The following RANBP2 variants were observed in gnomAD, a reference collection of about 807,000 sequenced individuals.
RANBP2 encodes E3 SUMO-protein ligase RanBP2.
In RANBP2, 57 loss-of-function variants were observed where a neutral mutation model predicts 303.6. The ratio of observed to expected loss-of-function variants is 0.19; its 90% CI spans 0.15 to 0.23. RANBP2 has a LOEUF of 0.23. Among genes scored for constraint, RANBP2 ranks in the 10% least tolerant of loss-of-function variants. The probability of loss-of-function intolerance (pLI) is 1.00; values close to 1 mark genes in which losing one functional copy is unlikely to be tolerated. For missense variants in RANBP2, 3,138 were observed against 3,780.8 expected (o/e 0.83, Z 4.46); for synonymous variants, 1,167 against 1,301.5 (o/e 0.90, Z 2.23).
At chr2:108,903,762 A>G in the RANBP2 span, among the ~76,000 whole-genome samples, 2 of 152,334 alleles carry the variant, frequency 1.3e-5, no homozygotes, top group Non-Finnish European at 2.9e-5. Flanking sequence ...ACTTAAATGC[A>G]AAATATAAAA....
At chr2:108,747,922 A>G (rs537519962) in intron 8 of RANBP2, among the ~76,000 whole-genome samples, 2,212 of 152,254 alleles carry the variant, frequency 0.015, 48 homozygotes, top group African/African-American at 0.047. Flanking sequence ...TCATCACTCC[A>G]TGAGGAATTC....
chr2:109,346,867 A>G, the RANBP2 span, among the ~76,000 whole-genome samples: 1 of 152,222 alleles, frequency 6.6e-6, no homozygotes, highest in Non-Finnish European at 1.5e-5. Flanking sequence ...CCCTTGAACA[A>G]TTGTACTTCT....
At chr2:109,634,864 A>G in the RANBP2 span, among the ~76,000 whole-genome samples, 2 of 152,252 alleles carry the variant, frequency 1.3e-5, no homozygotes, top group Non-Finnish European at 1.5e-5. Flanking sequence ...TCATGAAGAA[A>G]TAAAAGGACG....
At chr2:108,872,325 T>G in the RANBP2 span, among the ~76,000 whole-genome samples, 8 of 152,094 alleles carry the variant, frequency 5.3e-5, no homozygotes, top group Non-Finnish European at 1.0e-4. Flanking sequence ...ACCCCAAAAT[T>G]CTTAACTCGT....
the RANBP2 span, among the ~76,000 whole-genome samples, chr2:109,043,555 G>A: frequency 6.6e-6 from 1 of 152,092 alleles, no homozygotes; most frequent in African/African-American, 2.4e-5. Flanking sequence ...GGCTGATCTC[G>A]AACTCCTGAC....
At chr2:109,580,807 G>A in the RANBP2 span, among the ~76,000 whole-genome samples, 1 of 152,218 alleles carries the variant, frequency 6.6e-6, no homozygotes, top group African/African-American at 2.4e-5. Context: ...CCTCTTTTAT[G>A]AGCCCTACCA....
chr2:109,312,625 G>A, the RANBP2 span, among the ~76,000 whole-genome samples: 1 of 152,164 alleles, frequency 6.6e-6, no homozygotes, highest in Non-Finnish European at 1.5e-5. Flanking sequence ...GGAATCATCC[G>A]ATACATGGCC....
chr2:108,839,193 T>G, the RANBP2 span: 1 of 1,607,006 alleles, frequency 6.2e-7, no homozygotes, highest in Non-Finnish European at 8.5e-7. Flanking sequence ...AGCTTTTGCC[T>G]CTAATGACAG....
chr2:109,460,529 A>G, the RANBP2 span, among the ~76,000 whole-genome samples: 1 of 152,206 alleles, frequency 6.6e-6, no homozygotes, highest in African/African-American at 2.4e-5. Context: ...CCACTGGGCA[A>G]TGACAGGAAT....
At chr2:109,107,473 G>A in the RANBP2 span, among the ~76,000 whole-genome samples, 5 of 152,100 alleles carry the variant, frequency 3.3e-5, no homozygotes, top group Non-Finnish European at 5.9e-5. Flanking sequence ...TGTTGCTTCC[G>A]GCATCTCTGG....
At chr2:109,674,410 C>CAAAAAAAAAAAAAAAAAAAAAAAA in the RANBP2 span, among the ~76,000 whole-genome samples, 1 of 75,302 alleles carries the variant, frequency 1.3e-5, no homozygotes, top group Non-Finnish European at 2.4e-5. Flanking sequence ...CTTGTGTCTC[C>CAAAAAAAAAAAAAAAAAAAAAAAA]AAAAAAAAAA....
chr2:109,403,831 C>T, the RANBP2 span, among the ~76,000 whole-genome samples: 60 of 152,312 alleles, frequency 3.9e-4, no homozygotes, highest in Middle Eastern at 3.4e-3. Flanking sequence ...GCTGCCTGAC[C>T]TCTTCCCAAA....
chr2:109,241,213 G>A, the RANBP2 span, among the ~76,000 whole-genome samples: 252 of 151,938 alleles, frequency 1.7e-3, no homozygotes, highest in African/African-American at 5.4e-3. Flanking sequence ...CTCTGAAAAA[G>A]CAGTTTGTTT....
chr2:109,037,565 G>A, the RANBP2 span, among the ~76,000 whole-genome samples: 1 of 152,074 alleles, frequency 6.6e-6, no homozygotes, highest in Non-Finnish European at 1.5e-5. Context: ...AAATCCCAAG[G>A]AATTTACAAA....
the RANBP2 span, among the ~76,000 whole-genome samples, chr2:109,468,128 G>T: frequency 6.6e-6 from 1 of 152,314 alleles, no homozygotes; most frequent in South Asian, 2.1e-4. Flanking sequence ...AAAACGCGTC[G>T]TTTGGTGATT....
chr2:109,399,234 C>T, the RANBP2 span, among the ~76,000 whole-genome samples: 5 of 152,172 alleles, frequency 3.3e-5, no homozygotes, highest in African/African-American at 1.2e-4. Flanking sequence ...ACAAGCTTTT[C>T]CCCGTGTCAG....
chr2:108,908,702 C>T, the RANBP2 span, among the ~76,000 whole-genome samples: 9 of 152,230 alleles, frequency 5.9e-5, 1 homozygote, highest in Admixed American at 5.9e-4. Context: ...CTTAAACTCT[C>T]TTAAAACCAT....
the RANBP2 span, among the ~76,000 whole-genome samples, chr2:109,075,219 GTTGT>G: frequency 0.011 from 1,589 of 149,710 alleles, 31 homozygotes; most frequent in African/African-American, 0.036. Flanking sequence ...AAAATCAGAG[GTTGT>G]TTGTTTGTTT....
At chr2:109,157,865 G>T in the RANBP2 span, among the ~76,000 whole-genome samples, 1 of 152,084 alleles carries the variant, frequency 6.6e-6, no homozygotes, top group Non-Finnish European at 1.5e-5. Flanking sequence ...AGGCCACACA[G>T]CTCTCCTAGG....
Sources: allele counts gnomAD v4.1 joint callset (sites outside exome capture counted in the v4.1 genomes callset), GRCh38; gene constraint gnomAD v4.1.1; transcripts MANE v1.5; gene names NCBI Gene and HGNC (gene_info 2026-07-23, HGNC 2026-07-21).